Variants in VPS9D1 observed in about 807,000 individuals in gnomAD.
The protein encoded by VPS9D1 is VPS9 domain containing 1, also known as VPS9 domain-containing protein 1.
In VPS9D1, 78 loss-of-function variants were observed where a neutral mutation model predicts 75.8. The ratio of observed to expected loss-of-function variants is 1.03; its 90% CI spans 0.86 to 1.24. The LOEUF (loss-of-function observed/expected upper bound fraction) is 1.24. VPS9D1 is among the 50% of genes most tolerant of loss of function. The pLI, the probability that VPS9D1 is intolerant of heterozygous loss-of-function variation, is 0.00. For missense variants in VPS9D1, 1,057 were observed against 847.7 expected (o/e 1.25, Z -3.07); for synonymous variants, 481 against 385.6 (o/e 1.25, Z -2.90).
At chr16:89,717,763 C>T (rs555047906) in intron 2 of VPS9D1, 96 of 456,716 alleles carry the variant, frequency 2.1e-4, no homozygotes, top group South Asian at 1.5e-3. Context: ...ACTCCTCAAT[C>T]TTGGAGCGCC....
intron 1 of VPS9D1, 194 bp downstream of exon 1, chr16:89,720,569 C>G: frequency 8.4e-7 from 1 of 1,193,756 alleles, no homozygotes. Context: ...TCCGCAGGAT[C>G]TGAGCTGTCC....
In VPS9D1 at chr16:89,719,049, T is replaced by TA; in HGVS notation, c.152dup (p.Glu52ArgfsTer7). The TA allele has an allele frequency of 6.2e-7, 1 of 1,613,554 alleles. No individual in the cohort carries two copies. Among genetic ancestry groups the TA allele is most frequent in the Non-Finnish European group, 8.5e-7 (1 of 1,179,894 alleles). On this transcript the variant is annotated frameshift_variant, in exon 2 of 15. Transcript: ENST00000389386. LOFTEE classifies it high-confidence loss of function. Reference sequence around the variant, plus strand: ...TACCTTTAGTGGTTTCCACTTCTTCTAGTAACACCTGGGAGATATAGTGGA... The same window carrying TA: ...TACCTTTAGTGGTTTCCACTTCTTCTAAGTAACACCTGGGAGATATAGTGGA...
At chr16:89,720,255 G>T in intron 1 of VPS9D1, 1 of 335,730 alleles carries the variant, frequency 3.0e-6, no homozygotes, top group Non-Finnish European at 4.2e-6. Context: ...TCTCTACCTG[G>T]TCGCCAACCT....
chr16:89,709,020 A>AGGGGGG, intron 12 of VPS9D1, 64 bp from the exon 13 acceptor site: 2 of 1,277,888 alleles, frequency 1.6e-6, no homozygotes, highest in African/African-American at 2.3e-5. Flanking sequence ...CACCCCTTAT[A>AGGGGGG]CCCCGCCCAC....
chr16:89,708,678 G>A, intron 13 of VPS9D1, 147 bp from the exon 14 acceptor site: 1 of 1,120,004 alleles, frequency 8.9e-7, no homozygotes, highest in Non-Finnish European at 1.3e-6. Flanking sequence ...GGCATGGTGA[G>A]GCTGTCCCTA....
intron 4 of VPS9D1, among the ~76,000 whole-genome samples, chr16:89,715,544 C>T (rs1375073867): frequency 1.4e-5 from 2 of 147,908 alleles, no homozygotes; most frequent in African/African-American, 5.0e-5. Flanking sequence ...TTTTTTTAGA[C>T]AGAGTCTCAT....
intron 4 of VPS9D1, 67 bp from the exon 5 acceptor site, chr16:89,712,783 C>G (rs1431490364): frequency 2.2e-6 from 3 of 1,340,294 alleles, no homozygotes; most frequent in Non-Finnish European, 3.0e-6. Context: ...CCAGAGGAGT[C>G]TCTCTCATCC....
At position 89,711,658 on chromosome 16, in the gene VPS9D1, GGACCCTCCCACGC is replaced by G. The variant is rs1042358181; in HGVS notation, c.747+211_747+223del. 2.8e-5 allele frequency: 19 copies of G among 670,302 alleles called. No homozygotes were observed. In the African/African-American group the frequency reaches 3.0e-4, roughly 11 times the overall value. The allele number at this position is 670,302 out of a possible 1,614,324, so 41.5% of individuals were successfully genotyped here. On this transcript the variant is annotated intron_variant, in intron 8 of 14. Transcript: ENST00000389386. ...TCGCAGGGACCCTCCCTCCTCGCTG[GGACCCTCCCACGC>G]GACCCCTGACCTCGCCTCCTCGCTC...
rs1183267896 is a variant in VPS9D1, at chr16:89,710,678, G to A, written c.1166C>T (p.Thr389Met). The change falls in exon 10 of 15, where the codon ACG (threonine) becomes ATG (methionine). Residue 389 changes from threonine (T) to methionine (M), a missense_variant. Transcript: ENST00000389386. ...SFEDLEQFLG[T>M]SERQGRGRGV... ...ACGGCCCCGGCCCTGCCGCTCAGAC[G>A]TCCCCAGGAACTGCTCCAGGTCCTC... 7 of 1,611,528 alleles carry A rather than the reference G, an allele frequency of 4.3e-6. No individual in the cohort carries two copies. The South Asian group carries it at 4.4e-5, about 10-fold the overall frequency.
At chr16:89,714,016 A>T (rs2061004373) in intron 4 of VPS9D1, among the ~76,000 whole-genome samples, 1 of 152,038 alleles carries the variant, frequency 6.6e-6, no homozygotes, top group African/African-American at 2.4e-5. Flanking sequence ...AACTCACTGC[A>T]ACCTCCGCCT....
rs755180802 is a variant in VPS9D1 at position 89,707,838 on chromosome 16, A to T, written c.*23T>A. The T allele has an allele frequency of 2.5e-6, 4 of 1,611,280 alleles. No homozygotes were observed. The highest frequency in any genetic ancestry group is 2.2e-5 in the East Asian group (1 of 44,852). On this transcript the variant is annotated 3_prime_UTR_variant, in exon 15 of 15. Transcript: ENST00000389386. ...CCTGGGAGGCGAGGCCAGGCCCTGC[A>T]GGGACCCTGGGCTCTAGCTGTACTA...
intron 14 of VPS9D1, among the ~76,000 whole-genome samples, 183 bp from the exon 15 acceptor site, chr16:89,708,137 G>A (rs564889596): frequency 6.6e-6 from 1 of 152,354 alleles, no homozygotes; most frequent in African/African-American, 2.4e-5. Flanking sequence ...GTCCTTGGAC[G>A]GTAGAGCCAG....
At chr16:89,710,031 C>T (rs2060879990) in intron 10 of VPS9D1, 125 bp from the exon 11 acceptor site, 3 of 1,343,832 alleles carry the variant, frequency 2.2e-6, no homozygotes, top group Non-Finnish European at 3.0e-6. Context: ...CTCCTGCACC[C>T]ACCCCTGACC....
intron 1 of VPS9D1, chr16:89,720,443 C>T: frequency 3.8e-6 from 4 of 1,060,396 alleles, no homozygotes; most frequent in Non-Finnish European, 4.6e-6. Flanking sequence ...ACGCACGGAC[C>T]TGCCCGTCAC....
intron 1 of VPS9D1, 34 bp downstream of exon 1, chr16:89,720,729 T>C: frequency 7.1e-7 from 1 of 1,417,100 alleles, no homozygotes; most frequent in Non-Finnish European, 9.2e-7. Context: ...GGGGCCACCC[T>C]CAGCGGCCAA....
chr16:89,712,217 C>A, intron 6 of VPS9D1, 118 bp from the exon 7 acceptor site: 2 of 1,459,932 alleles, frequency 1.4e-6, no homozygotes, highest in South Asian at 2.4e-5. Flanking sequence ...GAGGGGCTGT[C>A]CCCAGGTAAG....
chr16:89,719,193 G>A (rs1354714521), intron 1 of VPS9D1, 91 bp from the exon 2 acceptor site: 1 of 1,166,812 alleles, frequency 8.6e-7, no homozygotes, highest in Non-Finnish European at 1.3e-6. Context: ...GATAAGCAAG[G>A]AACACCACCA....
chr16:89,719,592 C>T lies in VPS9D1; in HGVS notation c.100-490G>A, dbSNP rs547093703. Among the ~76,000 whole-genome samples the T allele has an allele frequency of 4.1e-4, 63 of 152,258 alleles. 2 individuals carry two copies. In the South Asian group the frequency reaches 0.012, roughly 30 times the overall value. On this transcript the variant is annotated intron_variant, in intron 1 of 14. Transcript: ENST00000389386. ...TCAAATCACTTCCCGGTTTAAGTTC[C>T]GAGAAATCCCTTTCCCAGAACCTGC... is the stretch of plus-strand genomic sequence containing the variant.
chr16:89,717,906 T>C (rs1175317037), intron 2 of VPS9D1: 3 of 440,260 alleles, frequency 6.8e-6, no homozygotes, highest in Non-Finnish European at 1.4e-5. Flanking sequence ...CCGACCTCTG[T>C]GATCCCACGT....
Sources: allele counts gnomAD v4.1 joint callset (sites outside exome capture counted in the v4.1 genomes callset), GRCh38; gene constraint gnomAD v4.1.1; transcripts MANE v1.5; gene names NCBI Gene and HGNC (gene_info 2026-07-23, HGNC 2026-07-21).